The following GRIP1 variants were observed in gnomAD, a reference collection of about 807,000 sequenced individuals.
The protein encoded by GRIP1 is glutamate receptor interacting protein 1.
GRIP1 carries 45 observed loss-of-function variants against 129.9 expected under a neutral mutation model. The ratio of observed to expected loss-of-function variants is 0.35; its 90% CI spans 0.27 to 0.44. The LOEUF is 0.44. Among genes scored for constraint, GRIP1 ranks in the 20% least tolerant of loss-of-function variants. The pLI is 1.00. For synonymous variants in GRIP1, 530 were observed against 520.8 expected (o/e 1.02, Z -0.24); for missense variants, 1,196 against 1,396.8 (o/e 0.86, Z 2.29).
chr12:67,016,736 T>C (rs371332124), intron 1 of GRIP1, among the ~76,000 whole-genome samples: 6 of 152,314 alleles, frequency 3.9e-5, no homozygotes, highest in African/African-American at 1.2e-4. Context: ...ATTGAAATAA[T>C]ATCATCTTGT....
At chr12:66,452,890 A>AT (rs2058848753) in intron 11 of GRIP1, among the ~76,000 whole-genome samples, 1 of 152,242 alleles carries the variant, frequency 6.6e-6, no homozygotes, top group East Asian at 1.9e-4. Flanking sequence ...CAATGCTATC[A>AT]TTTTTTCAGG....
chr12:66,917,056 T>C (rs1028269421), intron 1 of GRIP1, among the ~76,000 whole-genome samples: 2 of 152,224 alleles, frequency 1.3e-5, no homozygotes, highest in African/African-American at 4.8e-5. Flanking sequence ...TTTCTGGTGA[T>C]CTCCAACACA....
chr12:66,388,308 G>A (rs941761632), intron 19 of GRIP1, among the ~76,000 whole-genome samples: 1 of 152,264 alleles, frequency 6.6e-6, no homozygotes, highest in African/African-American at 2.4e-5. Flanking sequence ...ACATCTGGAT[G>A]AAATAATTTC....
chr12:66,865,171 C>T (rs139705963), intron 1 of GRIP1, among the ~76,000 whole-genome samples: 6 of 152,198 alleles, frequency 3.9e-5, no homozygotes, highest in Middle Eastern at 3.4e-3. Context: ...CAAGGAAGCA[C>T]GGCAAGAAGA....
chr12:66,673,796 T>C (rs1469345108), intron 1 of GRIP1, among the ~76,000 whole-genome samples: 1 of 152,072 alleles, frequency 6.6e-6, no homozygotes, highest in Non-Finnish European at 1.5e-5. Context: ...AGCATTCTCC[T>C]GTTCAAGTGG....
intron 7 of GRIP1, among the ~76,000 whole-genome samples, chr12:66,467,502 C>T (rs2059319211): frequency 2.0e-5 from 3 of 152,294 alleles, no homozygotes; most frequent in Admixed American, 6.5e-5. Context: ...TGGCTATGTG[C>T]AATGGTAGTT....
chr12:66,447,273 A>G (rs150795283), intron 11 of GRIP1, among the ~76,000 whole-genome samples: 1 of 152,290 alleles, frequency 6.6e-6, no homozygotes, highest in East Asian at 1.9e-4. Flanking sequence ...GGATTTTCCT[A>G]TACCCTAATA....
chr12:66,930,245 A>C (rs1454631911), intron 1 of GRIP1, among the ~76,000 whole-genome samples: 3 of 123,930 alleles, frequency 2.4e-5, no homozygotes, highest in Admixed American at 8.0e-5. Flanking sequence ...TCCCGATGCT[A>C]TCCCTCCCCC....
chr12:66,523,136 C>T (rs1247792194), intron 5 of GRIP1, among the ~76,000 whole-genome samples: 1 of 151,372 alleles, frequency 6.6e-6, no homozygotes, highest in East Asian at 1.9e-4. Context: ...CTTCCCCAAT[C>T]TAGCAAGGCA....
At chr12:66,564,515 C>A (rs2062670263) in intron 2 of GRIP1, among the ~76,000 whole-genome samples, 1 of 152,124 alleles carries the variant, frequency 6.6e-6, no homozygotes, top group Non-Finnish European at 1.5e-5. Flanking sequence ...TTTTCTTAAT[C>A]CAGTCTACTA....
intron 1 of GRIP1, among the ~76,000 whole-genome samples, chr12:67,052,151 T>C (rs2043356686): frequency 6.6e-6 from 1 of 152,238 alleles, no homozygotes; most frequent in South Asian, 2.1e-4. Flanking sequence ...CTGGGTTATA[T>C]TCATAATCAT....
At chr12:67,038,690 T>A (rs997024347) in intron 1 of GRIP1, among the ~76,000 whole-genome samples, 1 of 152,212 alleles carries the variant, frequency 6.6e-6, no homozygotes, top group Non-Finnish European at 1.5e-5. Flanking sequence ...AAGGAAAGGT[T>A]TGAGGAAGAA....
intron 1 of GRIP1, among the ~76,000 whole-genome samples, chr12:66,988,468 C>T: frequency 6.6e-6 from 1 of 152,134 alleles, no homozygotes; most frequent in African/African-American, 2.4e-5. Flanking sequence ...CAACCTCTGC[C>T]TCCTGGGCTC....
intron 1 of GRIP1, among the ~76,000 whole-genome samples, chr12:66,732,241 A>G (rs1471532367): frequency 1.3e-5 from 2 of 152,098 alleles, no homozygotes; most frequent in Non-Finnish European, 2.9e-5. Context: ...TACTCAACAT[A>G]AAGATGATAA....
intron 1 of GRIP1, among the ~76,000 whole-genome samples, chr12:67,068,667 G>A (rs1277725707): frequency 1.3e-5 from 2 of 151,854 alleles, no homozygotes; most frequent in Non-Finnish European, 2.9e-5. Context: ...AAGCACTGCA[G>A]GAACCCCCCT....
chr12:66,859,273 AAAC>A (rs1566054547), intron 1 of GRIP1, among the ~76,000 whole-genome samples: 16,373 of 43,464 alleles, frequency 0.38, 1,772 homozygotes, highest in East Asian at 0.5. Flanking sequence ...AAAAACAAAA[AAAC>A]AAAAAAACAA....
intron 2 of GRIP1, among the ~76,000 whole-genome samples, chr12:66,579,969 G>A (rs1195696884): frequency 6.8e-6 from 1 of 147,884 alleles, no homozygotes; most frequent in Non-Finnish European, 1.5e-5. Context: ...ATTCACCAAA[G>A]TTGAAATGAA....
At chr12:66,562,288 C>G (rs2062561495) in intron 2 of GRIP1, among the ~76,000 whole-genome samples, 1 of 152,138 alleles carries the variant, frequency 6.6e-6, no homozygotes, top group Non-Finnish European at 1.5e-5. Context: ...ACCCTCTGAA[C>G]CAGTGTCACT....
intron 1 of GRIP1, among the ~76,000 whole-genome samples, chr12:66,617,479 T>C (rs1353112188): frequency 6.6e-6 from 1 of 152,034 alleles, no homozygotes; most frequent in Non-Finnish European, 1.5e-5. Flanking sequence ...GAATGCTTCA[T>C]CACATTCTCT....
Sources: allele counts gnomAD v4.1 joint callset (sites outside exome capture counted in the v4.1 genomes callset), GRCh38; gene constraint gnomAD v4.1.1; transcripts MANE v1.5; gene names NCBI Gene and HGNC (gene_info 2026-07-23, HGNC 2026-07-21).